Variants in STRBP observed in about 807,000 individuals in gnomAD.
The protein encoded by STRBP is spermatid perinuclear RNA-binding protein.
In STRBP, 13 loss-of-function variants were observed where a neutral mutation model predicts 80.1. The observed-to-expected ratio is 0.16, with a 90% CI of 0.11 to 0.26. STRBP has a LOEUF of 0.26. Ranked by LOEUF, STRBP falls within the 10% of genes least tolerant of loss-of-function variation. The probability of loss-of-function intolerance (pLI) is 1.00; values close to 1 mark genes in which losing one functional copy is unlikely to be tolerated. For missense variants in STRBP, 485 were observed against 815.2 expected (o/e 0.59, Z 4.93); for synonymous variants, 284 against 291.2 (o/e 0.98, Z 0.25).
chr9:123,262,166 A>G (rs2041172563), intron 1 of STRBP, among the ~76,000 whole-genome samples: 1 of 152,226 alleles, frequency 6.6e-6, no homozygotes, highest in Admixed American at 6.5e-5. Flanking sequence ...GTATTATTGA[A>G]GCATACTAAG....
chr9:123,147,315 A>C (rs2036853307), intron 12 of STRBP, among the ~76,000 whole-genome samples: 1 of 152,186 alleles, frequency 6.6e-6, no homozygotes, highest in Non-Finnish European at 1.5e-5. Context: ...GGAAACAAAA[A>C]AGTTATCCAA....
Position 123,214,126 on chromosome 9 carries a change from G to GTATA in STRBP, c.-165+22700_-165+22703dup, listed in dbSNP as rs148518712. Among the ~76,000 whole-genome samples the GTATA allele has an allele frequency of 1.1e-4, 16 of 141,220 alleles. No homozygotes were observed. In the South Asian group the frequency reaches 2.7e-3, roughly 24 times the overall value. 92.6% of individuals were successfully genotyped at this position (141,220 alleles called of 152,430 possible). ...AATCAATGAGTGGATAAAGTGTGGT[G>GTATA]TATATATATATATATGTATACACAC... On this transcript the variant is annotated intron_variant, in intron 2 of 18. Transcript: ENST00000348403.
chr9:123,242,471 C>T (rs1258558142), intron 1 of STRBP, among the ~76,000 whole-genome samples: 1 of 152,104 alleles, frequency 6.6e-6, no homozygotes, highest in Non-Finnish European at 1.5e-5. Flanking sequence ...CCAGCCTGGC[C>T]AACATGGCAA....
intron 1 of STRBP, among the ~76,000 whole-genome samples, chr9:123,263,537 A>AAG (rs934036411): frequency 6.6e-6 from 1 of 151,678 alleles, no homozygotes; most frequent in African/African-American, 2.4e-5. Flanking sequence ...AAAAAAAAAA[A>AAG]AAAAAAAAAG....
intron 1 of STRBP, among the ~76,000 whole-genome samples, chr9:123,250,254 C>T (rs1350105787): frequency 6.6e-6 from 1 of 152,194 alleles, no homozygotes; most frequent in Non-Finnish European, 1.5e-5. Context: ...ACAGACAATG[C>T]AGAAGCAGCT....
chr9:123,199,048 G>A (rs540015219), intron 2 of STRBP, among the ~76,000 whole-genome samples: 6 of 152,226 alleles, frequency 3.9e-5, no homozygotes, highest in Non-Finnish European at 5.9e-5. Context: ...GGGTTCAAGC[G>A]ATTCTCTTGC....
intron 1 of STRBP, among the ~76,000 whole-genome samples, chr9:123,258,968 G>C (rs1406857053): frequency 6.6e-6 from 1 of 151,356 alleles, no homozygotes; most frequent in Non-Finnish European, 1.5e-5. Context: ...GCAATCACTA[G>C]AGGGTTTTGA....
At chr9:123,195,435 T>C (rs1328741296) in intron 2 of STRBP, among the ~76,000 whole-genome samples, 1 of 152,174 alleles carries the variant, frequency 6.6e-6, no homozygotes, top group African/African-American at 2.4e-5. Flanking sequence ...TATGATCTCA[T>C]ATTTGCAAAA....
chr9:123,200,657 T>C (rs2039284265), intron 2 of STRBP, among the ~76,000 whole-genome samples: 1 of 144,296 alleles, frequency 6.9e-6, no homozygotes, highest in South Asian at 2.2e-4. Flanking sequence ...AAGCTCCGCC[T>C]CCTGGGTTCA....
At chr9:123,224,840 T>C (rs1357312066) in intron 2 of STRBP, among the ~76,000 whole-genome samples, 3 of 152,194 alleles carry the variant, frequency 2.0e-5, no homozygotes, top group Non-Finnish European at 4.4e-5. Flanking sequence ...ACAGAACCCA[T>C]GACCCATTAG....
rs144945307 is a variant in STRBP at position 123,156,876 on chromosome 9, C to T, written c.1045+1136G>A. The stretch of plus-strand genomic sequence containing the variant: ...GGCTGCATTCCAGGTGAAGAATATC[C>T]GGTATTAAATATTCCACTTTCTAGT... On this transcript the variant is annotated intron_variant, in intron 11 of 18. Transcript: ENST00000348403. 3.4e-3 allele frequency among the ~76,000 whole-genome samples: 519 copies of T among 151,666 alleles called. 2 individuals are homozygous for T. The highest frequency in any genetic ancestry group is 0.012 in the African/African-American group (476 of 41,374).
At chr9:123,175,176 C>G (rs2038168314) in intron 4 of STRBP, among the ~76,000 whole-genome samples, 1 of 152,104 alleles carries the variant, frequency 6.6e-6, no homozygotes, top group Non-Finnish European at 1.5e-5. Flanking sequence ...AATGGCAAAG[C>G]CTAAATTCAA....
chr9:123,200,828 G>A (rs776963575), intron 2 of STRBP, among the ~76,000 whole-genome samples: 3 of 134,728 alleles, frequency 2.2e-5, no homozygotes, highest in African/African-American at 8.4e-5. Context: ...TGAGCCGCCC[G>A]CCTCGGCCTC....
At chr9:123,232,446 G>A (rs568200857) in intron 2 of STRBP, among the ~76,000 whole-genome samples, 1 of 152,150 alleles carries the variant, frequency 6.6e-6, no homozygotes, top group Admixed American at 6.5e-5. Flanking sequence ...CATTTTCAGT[G>A]TCAGCCCAGG....
intron 3 of STRBP, chr9:123,111,541 G>C (rs1246755694): frequency 2.3e-6 from 1 of 439,070 alleles, no homozygotes. Context: ...TGTGCCTGTA[G>C]GCAGGGGCAG....
In STRBP at chr9:123,225,265, G is replaced by T. The variant is rs530272127; in HGVS notation, c.-165+11565C>A. Among the ~76,000 whole-genome samples, 36 of 152,226 alleles carry T rather than the reference G, an allele frequency of 2.4e-4. No homozygotes were observed. In the South Asian group the frequency reaches 7.5e-3, roughly 32 times the overall value. Reference sequence around the variant, plus strand: ...AATTCACTTCAAGAAAATTCATCAAGCTATACACACTTATGATTTATGTAG... The same window carrying T: ...AATTCACTTCAAGAAAATTCATCAATCTATACACACTTATGATTTATGTAG... On this transcript the variant is annotated intron_variant, in intron 2 of 18. Transcript: ENST00000348403.
At chr9:123,265,239 T>C (rs1275545435) in intron 1 of STRBP, among the ~76,000 whole-genome samples, 1 of 152,168 alleles carries the variant, frequency 6.6e-6, no homozygotes, top group Admixed American at 6.5e-5. Flanking sequence ...ACTTAAAATT[T>C]GGTGTTCTGC....
intron 3 of STRBP, among the ~76,000 whole-genome samples, chr9:123,183,693 G>C (rs1408482614): frequency 6.6e-6 from 1 of 152,186 alleles, no homozygotes; most frequent in East Asian, 1.9e-4. Context: ...TATTTTAAAA[G>C]TATGAAAAAG....
Position 123,261,604 on chromosome 9 carries a change from A to G in STRBP, c.-302+6832T>C, listed in dbSNP as rs954076. 6.0e-3 allele frequency among the ~76,000 whole-genome samples: 909 copies of G among 152,326 alleles called. 12 individuals are homozygous for G. The highest frequency in any genetic ancestry group is 0.017 in the African/African-American group (714 of 41,568). On this transcript the variant is annotated intron_variant, in intron 1 of 18. Transcript: ENST00000348403. Reference sequence around the variant, plus strand: ...TTACCACAAAACTGGCAGAACAAAAAAATCACAGTTAGTACTTATTTTTAA... The same window carrying G: ...TTACCACAAAACTGGCAGAACAAAAGAATCACAGTTAGTACTTATTTTTAA...
Sources: allele counts gnomAD v4.1 joint callset (sites outside exome capture counted in the v4.1 genomes callset), GRCh38; gene constraint gnomAD v4.1.1; transcripts MANE v1.5; gene names NCBI Gene and HGNC (gene_info 2026-07-23, HGNC 2026-07-21).